ZFPM2: variants seen among roughly 807,000 people sequenced by gnomAD.
ZFPM2 encodes zinc finger protein, FOG family member 2.
In ZFPM2, 20 loss-of-function variants were observed where a neutral mutation model predicts 98.6. The ratio of observed to expected loss-of-function variants is 0.20; its 90% CI spans 0.14 to 0.29. The LOEUF is 0.29. Ranked by LOEUF, ZFPM2 falls within the 10% of genes least tolerant of loss-of-function variation. The pLI is 1.00. For missense variants in ZFPM2, 1,310 were observed against 1,388.6 expected (o/e 0.94, Z 0.90); for synonymous variants, 518 against 502.7 (o/e 1.03, Z -0.41).
intron 1 of ZFPM2, among the ~76,000 whole-genome samples, chr8:105,394,694 T>A (rs2129953604): frequency 6.6e-6 from 1 of 152,328 alleles, no homozygotes; most frequent in Non-Finnish European, 1.5e-5. Context: ...GGCCACGGAA[T>A]TCCCATTAGC....
At chr8:105,354,334 T>A (rs1812701800) in intron 1 of ZFPM2, among the ~76,000 whole-genome samples, 1 of 152,232 alleles carries the variant, frequency 6.6e-6, no homozygotes. Flanking sequence ...GCCCACAAGC[T>A]AATCTTTACA....
intron 3 of ZFPM2, among the ~76,000 whole-genome samples, chr8:105,508,236 A>G (rs1813742596): frequency 6.6e-6 from 1 of 152,126 alleles, no homozygotes; most frequent in South Asian, 2.1e-4. Flanking sequence ...CTGCTAGAGT[A>G]CCAGTCCAAC....
At chr8:105,681,688 T>C (rs1810605685) in intron 5 of ZFPM2, among the ~76,000 whole-genome samples, 1 of 152,146 alleles carries the variant, frequency 6.6e-6, no homozygotes. Context: ...GAATAACAGT[T>C]AGTTCCCTCT....
intron 3 of ZFPM2, among the ~76,000 whole-genome samples, chr8:105,551,963 A>T (rs2343300): frequency 0.094 from 14,310 of 152,180 alleles, 930 homozygotes; most frequent in East Asian, 0.32. Context: ...TTCTAAGTGA[A>T]TTATCTTCTT....
intron 4 of ZFPM2, among the ~76,000 whole-genome samples, chr8:105,603,311 G>T (rs1323167189): frequency 6.6e-6 from 1 of 152,078 alleles, no homozygotes; most frequent in Non-Finnish European, 1.5e-5. Context: ...GGGTTAGGAA[G>T]ACATATGACA....
chr8:105,610,360 G>A (rs1816283605), intron 4 of ZFPM2, among the ~76,000 whole-genome samples: 1 of 152,076 alleles, frequency 6.6e-6, no homozygotes, highest in African/African-American at 2.4e-5. Context: ...TGTCACTGAT[G>A]GTCTAGGGTT....
chr8:105,509,763 A>C (rs1813777808), intron 3 of ZFPM2, among the ~76,000 whole-genome samples: 2 of 152,142 alleles, frequency 1.3e-5, no homozygotes, highest in South Asian at 4.2e-4. Flanking sequence ...CATTTAAGGA[A>C]GTGAAGTAGT....
intron 2 of ZFPM2, among the ~76,000 whole-genome samples, chr8:105,440,636 A>G (rs1261853703): frequency 6.6e-6 from 1 of 152,174 alleles, no homozygotes; most frequent in East Asian, 1.9e-4. Flanking sequence ...TGGGCTCACC[A>G]CAGTAGGAAG....
chr8:105,557,274 A>G (rs1815019601), intron 3 of ZFPM2, among the ~76,000 whole-genome samples: 1 of 152,118 alleles, frequency 6.6e-6, no homozygotes, highest in African/African-American at 2.4e-5. Flanking sequence ...ATTACCATAT[A>G]CAAGGTGGTT....
chr8:105,798,662 T>A (rs1813904131), intron 6 of ZFPM2, 62 bp from the exon 7 acceptor site: 1 of 1,466,228 alleles, frequency 6.8e-7, no homozygotes, highest in Non-Finnish European at 9.3e-7. Context: ...TAAATGCTGC[T>A]TTACCCACAG....
chr8:105,644,779 G>A (rs1405846298), intron 5 of ZFPM2, among the ~76,000 whole-genome samples: 1 of 152,140 alleles, frequency 6.6e-6, no homozygotes, highest in East Asian at 1.9e-4. Flanking sequence ...TAGTCACAAA[G>A]TACAGTGGGA....
chr8:105,519,527 A>G (rs1157036696), intron 3 of ZFPM2, among the ~76,000 whole-genome samples: 1 of 152,132 alleles, frequency 6.6e-6, no homozygotes, highest in Non-Finnish European at 1.5e-5. Context: ...ATACTTTTGA[A>G]TATACACTGC....
intron 2 of ZFPM2, among the ~76,000 whole-genome samples, chr8:105,426,432 G>C (rs1811912898): frequency 6.6e-6 from 1 of 152,064 alleles, no homozygotes. Flanking sequence ...AGGGCTGATT[G>C]AACAGCCCCC....
At chr8:105,774,254 T>C (rs1468201911) in intron 5 of ZFPM2, among the ~76,000 whole-genome samples, 1 of 152,166 alleles carries the variant, frequency 6.6e-6, no homozygotes, top group African/African-American at 2.4e-5. Flanking sequence ...CTCTTATATT[T>C]AACCGTAGAT....
At chr8:105,790,433 T>G (rs1406513947) in intron 6 of ZFPM2, among the ~76,000 whole-genome samples, 1 of 152,232 alleles carries the variant, frequency 6.6e-6, no homozygotes, top group East Asian at 1.9e-4. Flanking sequence ...GGCTCTGTTC[T>G]GTTCCATTGA....
At chr8:105,529,013 C>G (rs1259348341) in intron 3 of ZFPM2, 2 of 152,152 alleles carry the variant, frequency 1.3e-5, no homozygotes, top group Non-Finnish European at 2.9e-5. Context: ...GCTTCCATAA[C>G]AAGCCTACAG....
intron 3 of ZFPM2, among the ~76,000 whole-genome samples, chr8:105,449,744 A>C (rs2130246762): frequency 6.6e-6 from 1 of 152,132 alleles, no homozygotes; most frequent in South Asian, 2.1e-4. Flanking sequence ...TTGTTTGTAA[A>C]ATAGGGCTAA....
intron 3 of ZFPM2, among the ~76,000 whole-genome samples, chr8:105,531,455 T>C (rs1814295387): frequency 6.6e-6 from 1 of 152,158 alleles, no homozygotes; most frequent in Admixed American, 6.6e-5. Flanking sequence ...TGTGTGTCTT[T>C]GTCATCTCAT....
chr8:105,556,181 C>T (rs1414634537), intron 3 of ZFPM2, among the ~76,000 whole-genome samples: 2 of 152,040 alleles, frequency 1.3e-5, no homozygotes, highest in Non-Finnish European at 2.9e-5. Context: ...GGTGGGTTGT[C>T]TACATCTGAG....
Sources: gnomAD v4.1 joint callset for allele counts (sites outside exome capture counted in the v4.1 genomes callset) on GRCh38, gnomAD v4.1.1 for gene constraint, MANE v1.5 for transcripts, NCBI Gene and HGNC (gene_info 2026-07-23, HGNC 2026-07-21) for gene names.